The following CPNE8 variants were observed in gnomAD, a reference collection of about 807,000 sequenced individuals.
CPNE8 encodes the protein copine-8.
A neutral mutation model predicts 81.5 loss-of-function variants in CPNE8; 45 were observed. The observed-to-expected ratio is 0.55, with a 90% CI of 0.44 to 0.71. CPNE8 has a LOEUF of 0.71. Ranked by LOEUF, CPNE8 falls within the 30% of genes least tolerant of loss-of-function variation. The probability of loss-of-function intolerance (pLI) is 0.00; values close to 1 mark genes in which losing one functional copy is unlikely to be tolerated. For synonymous variants in CPNE8, 252 were observed against 226.3 expected, an observed-to-expected ratio of 1.11 and a Z score of -1.02; for missense variants, 594 against 672.1, an observed-to-expected ratio of 0.88 and a Z score of 1.28.
chr12:38,886,820 C>A (rs1418974510), intron 1 of CPNE8, among the ~76,000 whole-genome samples: 1 of 152,134 alleles, frequency 6.6e-6, no homozygotes, highest in Non-Finnish European at 1.5e-5. Context: ...AGAGGAATTT[C>A]TTTACAAAAG....
chr12:38,658,173 A>G (rs1286602025), intron 19 of CPNE8, among the ~76,000 whole-genome samples: 2 of 152,286 alleles, frequency 1.3e-5, no homozygotes, highest in East Asian at 1.9e-4. Context: ...ACGAATGACT[A>G]ACTAGAATAA....
intron 1 of CPNE8, among the ~76,000 whole-genome samples, chr12:38,891,563 T>A (rs1482329618): frequency 6.6e-6 from 1 of 151,914 alleles, no homozygotes; most frequent in Non-Finnish European, 1.5e-5. Context: ...TTCTCCTGCC[T>A]CAGCCTCCCT....
chr12:38,677,449 T>TA lies in CPNE8; in HGVS notation c.1374+2dup. ...AGCCCAATACGGAGTGACCCCCACT[T>TA]ACATTAACTATGGACTCCTTAGTCT... On this transcript the variant is annotated splice_region_variant and intron_variant, in intron 17 of 19. Coordinates refer to ENST00000331366, the MANE Select transcript of CPNE8 (RefSeq NM_153634.3). 1 of 1,558,974 alleles carries TA rather than the reference T, an allele frequency of 6.4e-7. No homozygotes were observed. Among genetic ancestry groups the TA allele is most frequent in the Non-Finnish European group, 8.8e-7 (1 of 1,130,234 alleles).
At chr12:38,839,370 G>A (rs945217923) in intron 5 of CPNE8, among the ~76,000 whole-genome samples, 2 of 151,918 alleles carry the variant, frequency 1.3e-5, no homozygotes, top group African/African-American at 4.8e-5. Flanking sequence ...GAGAAAAGAG[G>A]AATAGACCAA....
At chr12:38,667,290 T>C (rs532151802) in intron 19 of CPNE8, among the ~76,000 whole-genome samples, 19 of 152,276 alleles carry the variant, frequency 1.2e-4, no homozygotes, top group African/African-American at 4.3e-4. Context: ...CAGGGGAAGA[T>C]TGAAAATATT....
chr12:38,766,809 C>A (rs531661484), intron 8 of CPNE8, among the ~76,000 whole-genome samples: 2 of 151,846 alleles, frequency 1.3e-5, no homozygotes, highest in African/African-American at 4.8e-5. Flanking sequence ...ATAATATTAG[C>A]TAATGTTTAA....
intron 16 of CPNE8, chr12:38,679,476 A>G (rs1939364906): frequency 4.3e-6 from 2 of 461,584 alleles, no homozygotes; most frequent in South Asian, 1.9e-4. Context: ...TTAATATTTT[A>G]TATCTCTTCA....
At position 38,902,431 on chromosome 12, in the gene CPNE8, A is replaced by AAGAAAGAAAGAAAG. The variant is rs1555172199; in HGVS notation, c.98+3005_98+3006insCTTTCTTTCTTTCT. 9.3e-5 allele frequency among the ~76,000 whole-genome samples: 13 copies of AAGAAAGAAAGAAAG among 139,346 alleles called. 1 individual carries two copies. Among genetic ancestry groups the AAGAAAGAAAGAAAG allele is most frequent in the African/African-American group, 4.3e-4 (13 of 30,018 alleles). 91.4% of individuals were successfully genotyped at this position (139,346 alleles called of 152,430 possible). Reference sequence around the variant, plus strand: ...AGAAAGAAAGAAAAAGAAAGAAAGAAAGAAAGGAGAGAGAGAAAGAAAGAT... The same window carrying AAGAAAGAAAGAAAG: ...AGAAAGAAAGAAAAAGAAAGAAAGAAAGAAAGAAAGAAAGAGAAAGGAGAGAGAGAAAGAAAGAT... On this transcript the variant is annotated intron_variant, in intron 1 of 19. Transcript: ENST00000331366.
At chr12:38,889,338 A>T (rs910644645) in intron 1 of CPNE8, among the ~76,000 whole-genome samples, 9 of 152,214 alleles carry the variant, frequency 5.9e-5, no homozygotes, top group African/African-American at 2.4e-5. Flanking sequence ...AGTATGAGTG[A>T]TGCTTGAACT....
intron 19 of CPNE8, among the ~76,000 whole-genome samples, chr12:38,656,341 G>GTT (rs557384391): frequency 7.1e-6 from 1 of 141,684 alleles, no homozygotes; most frequent in African/African-American, 2.6e-5. Flanking sequence ...TTTTTGAAGA[G>GTT]TTTTTTTTTT....
intron 10 of CPNE8, among the ~76,000 whole-genome samples, chr12:38,736,785 G>A (rs1296918600): frequency 6.6e-6 from 1 of 151,960 alleles, no homozygotes; most frequent in Non-Finnish European, 1.5e-5. Flanking sequence ...ATTCTTAACA[G>A]GAAATAACTT....
chr12:38,806,704 G>T (rs1034617186), intron 6 of CPNE8, among the ~76,000 whole-genome samples: 33 of 140,548 alleles, frequency 2.3e-4, no homozygotes, highest in African/African-American at 7.2e-4. Flanking sequence ...AGACAGGGAT[G>T]CCCTCTCTCA....
chr12:38,735,499 C>T (rs1390292485), intron 10 of CPNE8, among the ~76,000 whole-genome samples: 1 of 151,934 alleles, frequency 6.6e-6, no homozygotes, highest in Non-Finnish European at 1.5e-5. Flanking sequence ...CAGATAACAA[C>T]GTATTAGCTC....
intron 6 of CPNE8, among the ~76,000 whole-genome samples, chr12:38,817,030 T>A (rs1446970110): frequency 6.6e-6 from 1 of 152,182 alleles, no homozygotes; most frequent in Non-Finnish European, 1.5e-5. Flanking sequence ...AACGAATGAA[T>A]GAATACAAAC....
intron 10 of CPNE8, among the ~76,000 whole-genome samples, chr12:38,738,758 T>A (rs1464109330): frequency 6.6e-6 from 1 of 152,012 alleles, no homozygotes; most frequent in Non-Finnish European, 1.5e-5. Context: ...CTCTTTGGAC[T>A]CTTACATCAT....
intron 10 of CPNE8, among the ~76,000 whole-genome samples, chr12:38,732,907 T>C (rs1940865431): frequency 6.6e-6 from 1 of 152,008 alleles, no homozygotes; most frequent in Non-Finnish European, 1.5e-5. Flanking sequence ...TTGCATGTCA[T>C]GTAAATGCAA....
chr12:38,718,733 C>T (rs1422279802), intron 13 of CPNE8, among the ~76,000 whole-genome samples: 1 of 152,062 alleles, frequency 6.6e-6, no homozygotes, highest in East Asian at 1.9e-4. Context: ...TACACAAATG[C>T]ACTAATGAAA....
chr12:38,725,667 G>C (rs1051911308), intron 11 of CPNE8, among the ~76,000 whole-genome samples: 2 of 152,042 alleles, frequency 1.3e-5, no homozygotes, highest in Non-Finnish European at 2.9e-5. Context: ...CTTAAACTAA[G>C]GCTTCAATTT....
At chr12:38,726,332 C>G (rs1377147460) in intron 11 of CPNE8, 1 of 150,970 alleles carries the variant, frequency 6.6e-6, no homozygotes, top group Admixed American at 6.6e-5. Context: ...AGTAGAAAAT[C>G]TAAAGGAGAA....
Sources: gnomAD v4.1 joint callset for allele counts (sites outside exome capture counted in the v4.1 genomes callset) on GRCh38, gnomAD v4.1.1 for gene constraint, MANE v1.5 for transcripts, NCBI Gene and HGNC (gene_info 2026-07-23, HGNC 2026-07-21) for gene names.